ST6GALNAC3: variants seen among roughly 807,000 people sequenced by gnomAD.
ST6GALNAC3 encodes the protein ST6 N-acetylgalactosaminide alpha-2,6-sialyltransferase 3.
ST6GALNAC3 carries 25 observed loss-of-function variants against 32.7 expected under a neutral mutation model. The observed-to-expected ratio is 0.76, with a 90% confidence interval of 0.56 to 1.07. ST6GALNAC3 has a LOEUF of 1.07. ST6GALNAC3 is among the 50% of genes least tolerant of loss of function. The pLI, the probability that ST6GALNAC3 is intolerant of heterozygous loss-of-function variation, is 0.00. For synonymous variants in ST6GALNAC3, 129 were observed against 133.1 expected (o/e 0.97, Z 0.21); for missense variants, 355 against 382.4 (o/e 0.93, Z 0.60).
intron 1 of ST6GALNAC3, among the ~76,000 whole-genome samples, chr1:76,196,405 T>C (rs533651161): frequency 6.6e-6 from 1 of 152,254 alleles, no homozygotes; most frequent in East Asian, 1.9e-4. Context: ...ATTCACACAA[T>C]GAATACTATA....
chr1:76,536,233 C>T (rs1301022909), intron 3 of ST6GALNAC3, among the ~76,000 whole-genome samples: 1 of 152,168 alleles, frequency 6.6e-6, no homozygotes, highest in Non-Finnish European at 1.5e-5. Flanking sequence ...TGTTTTAGAG[C>T]TCACAAACAC....
At position 76,074,790 on chromosome 1, in the gene ST6GALNAC3, G is replaced by A. The variant is rs1031482238; in HGVS notation, c.-77G>A. 2 of 1,515,874 alleles carry A rather than the reference G, an allele frequency of 1.3e-6. No homozygotes were observed. Among genetic ancestry groups the A allele is most frequent in the African/African-American group, 2.8e-5 (2 of 72,470 alleles). 93.9% of individuals were successfully genotyped at this position (1,515,874 alleles called of 1,614,324 possible). On this transcript the variant is annotated 5_prime_UTR_variant, in exon 1 of 5. Transcript: ENST00000328299. ...CTGGAGAGGTCCTGCCGTGGTACCA[G>A]CCTCCAGCCTGCCCCCAGGACTGCC...
At chr1:76,626,018 C>T (rs1648944893) in intron 3 of ST6GALNAC3, among the ~76,000 whole-genome samples, 1 of 151,868 alleles carries the variant, frequency 6.6e-6, no homozygotes, top group Non-Finnish European at 1.5e-5. Flanking sequence ...TATCAACCCC[C>T]ACTGTGAGTT....
In ST6GALNAC3 at chr1:76,083,913, T is replaced by G. The variant is rs564370491; in HGVS notation, c.18+9029T>G. 2.0e-5 allele frequency among the ~76,000 whole-genome samples: 3 copies of G among 152,258 alleles called. No homozygotes were observed. In the South Asian group the frequency reaches 6.2e-4, roughly 31 times the overall value. ...ATTTAAAGTAAAAAAGTAGGTTCAC[T>G]CGTCTAAGTTGAATTGTGCTTAGAC... On this transcript the variant is annotated intron_variant, in intron 1 of 4. Coordinates refer to ENST00000328299, the MANE Select transcript of ST6GALNAC3 (RefSeq NM_152996.4).
intron 1 of ST6GALNAC3, among the ~76,000 whole-genome samples, chr1:76,089,069 C>T (rs947414283): frequency 1.3e-5 from 2 of 152,112 alleles, no homozygotes; most frequent in Admixed American, 6.5e-5. Context: ...CGCTCTGTCA[C>T]CCAGGCTGGA....
chr1:76,501,917 T>C (rs1200704019), intron 3 of ST6GALNAC3, among the ~76,000 whole-genome samples: 1 of 152,180 alleles, frequency 6.6e-6, no homozygotes, highest in East Asian at 1.9e-4. Flanking sequence ...TCCTGATCAG[T>C]TCAGCAATTT....
At chr1:76,327,913 T>G (rs994660656) in intron 2 of ST6GALNAC3, among the ~76,000 whole-genome samples, 10 of 152,190 alleles carry the variant, frequency 6.6e-5, no homozygotes, top group African/African-American at 2.4e-4. Flanking sequence ...AACCAAATAT[T>G]TGGGTACTAT....
intron 1 of ST6GALNAC3, among the ~76,000 whole-genome samples, chr1:76,206,912 A>AATAG: frequency 6.6e-6 from 1 of 152,258 alleles, no homozygotes; most frequent in East Asian, 1.9e-4. Flanking sequence ...CGTCCCTCTA[A>AATAG]ATAGACAGAC....
intron 1 of ST6GALNAC3, among the ~76,000 whole-genome samples, chr1:76,154,980 ATCTTTGCATTT>A (rs1485520553): frequency 6.6e-6 from 1 of 152,080 alleles, no homozygotes; most frequent in Admixed American, 6.5e-5. Flanking sequence ...CTTGATTGAA[ATCTTTGCATTT>A]TCTTTGCATT....
At chr1:76,087,865 C>G (rs548814627) in intron 1 of ST6GALNAC3, among the ~76,000 whole-genome samples, 7 of 152,308 alleles carry the variant, frequency 4.6e-5, no homozygotes, top group African/African-American at 1.7e-4. Flanking sequence ...TTTCTGGACA[C>G]TTACTATATG....
intron 1 of ST6GALNAC3, among the ~76,000 whole-genome samples, chr1:76,080,316 T>C (rs1243431898): frequency 6.6e-6 from 1 of 152,196 alleles, no homozygotes; most frequent in Non-Finnish European, 1.5e-5. Context: ...ATGTCAGTTA[T>C]AGACACAGGT....
At chr1:76,403,602 C>A (rs1268524204) in intron 2 of ST6GALNAC3, among the ~76,000 whole-genome samples, 1 of 152,090 alleles carries the variant, frequency 6.6e-6, no homozygotes, top group Non-Finnish European at 1.5e-5. Context: ...CAGGGGTGGA[C>A]TCCCGCCATT....
chr1:76,356,666 G>C (rs1000223612), intron 2 of ST6GALNAC3, among the ~76,000 whole-genome samples: 2 of 152,060 alleles, frequency 1.3e-5, no homozygotes, highest in African/African-American at 2.4e-5. Context: ...ACTTAAACAG[G>C]CATCATAAAC....
At chr1:76,309,687 G>A (rs1646719453) in intron 1 of ST6GALNAC3, among the ~76,000 whole-genome samples, 1 of 152,104 alleles carries the variant, frequency 6.6e-6, no homozygotes. Flanking sequence ...TAAACAAGAA[G>A]GGCAAAGAAT....
chr1:76,546,579 A>T (rs1200015421), intron 3 of ST6GALNAC3, among the ~76,000 whole-genome samples: 2 of 152,128 alleles, frequency 1.3e-5, no homozygotes, highest in Non-Finnish European at 1.5e-5. Flanking sequence ...GCTGGGAATA[A>T]TAACTTTGTG....
chr1:76,382,620 C>T (rs889674031), intron 2 of ST6GALNAC3, among the ~76,000 whole-genome samples: 1 of 152,174 alleles, frequency 6.6e-6, no homozygotes, highest in African/African-American at 2.4e-5. Flanking sequence ...CCTGAGACCA[C>T]TTCTGGTGCT....
At chr1:76,118,437 G>T (rs1648633544) in intron 1 of ST6GALNAC3, among the ~76,000 whole-genome samples, 1 of 152,198 alleles carries the variant, frequency 6.6e-6, no homozygotes, top group African/African-American at 2.4e-5. Context: ...TGGGCAGCAG[G>T]TTAAGAATCC....
At chr1:76,449,222 G>T (rs1657209739) in intron 3 of ST6GALNAC3, among the ~76,000 whole-genome samples, 1 of 152,128 alleles carries the variant, frequency 6.6e-6, no homozygotes, top group Non-Finnish European at 1.5e-5. Flanking sequence ...TGCATTTATG[G>T]TTTATCCATG....
chr1:76,313,740 C>T lies in ST6GALNAC3; in HGVS notation c.19-65C>T, dbSNP rs1646813057. The T allele has an allele frequency of 7.8e-6, 12 of 1,536,000 alleles. No homozygotes were observed. In the Admixed American group the frequency reaches 2.0e-4, roughly 26 times the overall value. The stretch of plus-strand genomic sequence containing the variant: ...GAAAAAGAGAAGAATAAAGGAACCT[C>T]CTTCTGTGACTGCCTTTGGTTGAAA... On this transcript the variant is annotated intron_variant, in intron 1 of 4. Coordinates refer to ENST00000328299, the MANE Select transcript of ST6GALNAC3 (RefSeq NM_152996.4).
Sources: gnomAD v4.1 joint callset for allele counts (sites outside exome capture counted in the v4.1 genomes callset) on GRCh38, gnomAD v4.1.1 for gene constraint, MANE v1.5 for transcripts, NCBI Gene and HGNC (gene_info 2026-07-23, HGNC 2026-07-21) for gene names.